BORCS5: variants seen among roughly 807,000 people sequenced by gnomAD.
The protein encoded by BORCS5 is BLOC-1 related complex subunit 5, also known as BLOC-1-related complex subunit 5.
A neutral mutation model predicts 22.1 loss-of-function variants in BORCS5; 17 were observed. That is an observed-to-expected ratio of 0.77 (90% confidence interval 0.53 to 1.15). The LOEUF (loss-of-function observed/expected upper bound fraction) is 1.15. BORCS5 is among the 50% of genes most tolerant of loss of function. The pLI is 0.00. For missense variants in BORCS5, 247 were observed against 253.2 expected (o/e 0.98, Z 0.17); for synonymous variants, 117 against 99.8 (o/e 1.17, Z -1.03).
At chr12:12,425,095 G>C (rs368416511) in intron 2 of BORCS5, among the ~76,000 whole-genome samples, 7 of 152,122 alleles carry the variant, frequency 4.6e-5, no homozygotes, top group African/African-American at 1.7e-4. Context: ...TAGAGGACAG[G>C]GTCCTTTTCT....
chr12:12,397,639 C>T (rs553812032), intron 2 of BORCS5, among the ~76,000 whole-genome samples: 5 of 152,120 alleles, frequency 3.3e-5, no homozygotes, highest in East Asian at 1.9e-4. Context: ...CCATCATTGT[C>T]GAACACATTT....
intron 3 of BORCS5, among the ~76,000 whole-genome samples, chr12:12,438,371 A>AAAAAAAAAAAAACAAAAC (rs1565915549): frequency 1.7e-5 from 2 of 117,054 alleles, no homozygotes; most frequent in African/African-American, 9.0e-5. Flanking sequence ...AAAAAAAAAA[A>AAAAAAAAAAAAACAAAAC]AAAAAAAAAC....
At chr12:12,404,575 A>T (rs1269169873) in intron 2 of BORCS5, among the ~76,000 whole-genome samples, 1 of 152,148 alleles carries the variant, frequency 6.6e-6, no homozygotes, top group Admixed American at 6.6e-5. Flanking sequence ...CAACACCTGC[A>T]TTTTGGAAGG....
At chr12:12,383,695 C>T (rs1433126633) in intron 2 of BORCS5, among the ~76,000 whole-genome samples, 1 of 150,648 alleles carries the variant, frequency 6.6e-6, no homozygotes, top group Non-Finnish European at 1.5e-5. Context: ...ATTCTACTCT[C>T]TTCTAGCCTC....
intron 3 of BORCS5, among the ~76,000 whole-genome samples, chr12:12,464,353 CA>C (rs1261554238): frequency 1.3e-5 from 2 of 152,180 alleles, no homozygotes; most frequent in African/African-American, 2.4e-5. Flanking sequence ...CAGATGATAG[CA>C]AAAGGGAAAT....
In BORCS5 at chr12:12,381,011, ATT is replaced by A. The variant is rs530930947; in HGVS notation, c.202+19679_202+19680del. Among the ~76,000 whole-genome samples, 873 of 122,156 alleles carry A rather than the reference ATT, an allele frequency of 7.1e-3. 16 individuals carry two copies. The highest frequency in any genetic ancestry group is 0.025 in the African/African-American group (828 of 33,622). The allele number at this position is 122,156 out of a possible 152,430, so 80.1% of individuals were successfully genotyped here. A position where few individuals can be genotyped will look rare whatever the true frequency, so the allele number is the denominator to read the frequency against. ...TGACTTTCTTTTCATTTTTTGGGGG[ATT>A]TTTTTTTTTTTTTTTTGAGACCGAG... On this transcript the variant is annotated intron_variant, in intron 2 of 3. Transcript: ENST00000314565.
chr12:12,433,315 T>G (rs1222123640), intron 2 of BORCS5, among the ~76,000 whole-genome samples: 2 of 115,296 alleles, frequency 1.7e-5, no homozygotes, highest in African/African-American at 3.7e-5. Context: ...AGAGCGAGAC[T>G]GTGTCTCAAA....
At chr12:12,364,810 T>A (rs11054851) in intron 2 of BORCS5, among the ~76,000 whole-genome samples, 67,103 of 151,980 alleles carry the variant, frequency 0.44, 15,429 homozygotes, top group South Asian at 0.65. Context: ...CTACAAAAGA[T>A]ACAAAACTTA....
intron 2 of BORCS5, among the ~76,000 whole-genome samples, chr12:12,422,986 T>A (rs988906507): frequency 7.5e-6 from 1 of 134,020 alleles, no homozygotes; most frequent in Non-Finnish European, 1.5e-5. Context: ...ATGGGCTTTT[T>A]TTTTTTTATT....
intron 2 of BORCS5, among the ~76,000 whole-genome samples, chr12:12,417,654 T>C (rs1378538587): frequency 6.6e-6 from 1 of 152,186 alleles, no homozygotes; most frequent in African/African-American, 2.4e-5. Flanking sequence ...TAAATGTTTA[T>C]AATTTTTAAA....
At chr12:12,415,753 A>G (rs549566958) in intron 2 of BORCS5, among the ~76,000 whole-genome samples, 2 of 152,068 alleles carry the variant, frequency 1.3e-5, no homozygotes, top group South Asian at 4.2e-4. Context: ...GGATTTTTGC[A>G]TCAATGTTTG....
intron 2 of BORCS5, among the ~76,000 whole-genome samples, chr12:12,416,428 C>A (rs1030052502): frequency 5.3e-5 from 8 of 151,394 alleles, no homozygotes; most frequent in African/African-American, 1.7e-4. Flanking sequence ...GGTGTGAGAT[C>A]TTTCTTTTTA....
intron 2 of BORCS5, among the ~76,000 whole-genome samples, chr12:12,425,091 A>T (rs1015087172): frequency 3.0e-4 from 45 of 152,250 alleles, no homozygotes; most frequent in African/African-American, 1.1e-3. Flanking sequence ...TATTTAGAGG[A>T]CAGGGTCCTT....
chr12:12,434,978 T>G (rs1343235239), intron 2 of BORCS5, among the ~76,000 whole-genome samples: 2 of 152,182 alleles, frequency 1.3e-5, no homozygotes, highest in African/African-American at 4.8e-5. Context: ...TGCTATTAAT[T>G]GCCCTGCTAC....
At chr12:12,396,291 A>G (rs553419883) in intron 2 of BORCS5, among the ~76,000 whole-genome samples, 8 of 152,286 alleles carry the variant, frequency 5.3e-5, no homozygotes, top group African/African-American at 1.7e-4. Flanking sequence ...CCAGTGGGAG[A>G]TTAATTTTGA....
At chr12:12,460,238 A>T (rs1050435925) in intron 3 of BORCS5, among the ~76,000 whole-genome samples, 2 of 152,122 alleles carry the variant, frequency 1.3e-5, no homozygotes, top group African/African-American at 2.4e-5. Flanking sequence ...ATTTTGCTGA[A>T]TTTTTCCCTA....
chr12:12,413,937 A>G (rs1377102072), intron 2 of BORCS5, among the ~76,000 whole-genome samples: 2 of 31,076 alleles, frequency 6.4e-5, no homozygotes, highest in Non-Finnish European at 1.2e-4. Context: ...CGGGGGGCTG[A>G]CCCCCCCACC....
At chr12:12,430,451 G>C (rs758877255) in intron 2 of BORCS5, among the ~76,000 whole-genome samples, 1 of 151,968 alleles carries the variant, frequency 6.6e-6, no homozygotes, top group African/African-American at 2.4e-5. Flanking sequence ...GTGCCTGGCC[G>C]ATAAAATGTT....
At chr12:12,381,011 A>G (rs1349283961) in intron 2 of BORCS5, among the ~76,000 whole-genome samples, 20 of 122,206 alleles carry the variant, frequency 1.6e-4, no homozygotes, top group African/African-American at 3.3e-4. Context: ...TTTTTGGGGG[A>G]TTTTTTTTTT....
Sources: gnomAD v4.1 joint callset for allele counts (sites outside exome capture counted in the v4.1 genomes callset) on GRCh38, gnomAD v4.1.1 for gene constraint, MANE v1.5 for transcripts, NCBI Gene and HGNC (gene_info 2026-07-23, HGNC 2026-07-21) for gene names.